Variants in OR3A2 observed in about 807,000 individuals in gnomAD.
OR3A2 encodes olfactory receptor 3A2.
For synonymous variants in OR3A2, 126 were observed against 159.3 expected, an observed-to-expected ratio of 0.79 and a Z score of 1.57; for missense variants, 318 against 392.8, an observed-to-expected ratio of 0.81 and a Z score of 1.61.
At chr17:3,380,952 G>A (rs143406499) in intron 2 of OR3A2, among the ~76,000 whole-genome samples, 1 of 152,186 alleles carries the variant, frequency 6.6e-6, no homozygotes, top group Non-Finnish European at 1.5e-5. Context: ...GTGTCTGGGA[G>A]CATCTATTGA....
At chr17:3,362,231 T>C (rs1456325241) in intron 2 of OR3A2, among the ~76,000 whole-genome samples, 1 of 151,800 alleles carries the variant, frequency 6.6e-6, no homozygotes, top group Non-Finnish European at 1.5e-5. Flanking sequence ...TCTCTGACAG[T>C]AGTTTGTATT....
intron 1 of OR3A2, among the ~76,000 whole-genome samples, chr17:3,282,593 A>G (rs1342358447): frequency 3.3e-5 from 5 of 152,186 alleles, no homozygotes; most frequent in Non-Finnish European, 5.9e-5. Context: ...GGGATGCCAC[A>G]TGGGTGAGAA....
intron 2 of OR3A2, among the ~76,000 whole-genome samples, chr17:3,352,164 G>A (rs951383247): frequency 6.6e-6 from 1 of 151,956 alleles, no homozygotes; most frequent in Non-Finnish European, 1.5e-5. Flanking sequence ...TCCTTTGCCA[G>A]ATGGGTAGTT....
At chr17:3,371,746 A>T in intron 2 of OR3A2, among the ~76,000 whole-genome samples, 1 of 80,604 alleles carries the variant, frequency 1.2e-5, no homozygotes, top group African/African-American at 5.0e-5. Flanking sequence ...GGGCAGAGGG[A>T]CTCCTCACTT....
chr17:3,348,759 A>C (rs1173444090), intron 2 of OR3A2, among the ~76,000 whole-genome samples: 2 of 152,154 alleles, frequency 1.3e-5, no homozygotes, highest in Non-Finnish European at 2.9e-5. Flanking sequence ...TGAAGGAAAA[A>C]AATGTTAAGG....
chr17:3,361,214 TTGTC>T (rs1379304168), intron 2 of OR3A2, among the ~76,000 whole-genome samples: 1 of 139,660 alleles, frequency 7.2e-6, no homozygotes, highest in Non-Finnish European at 1.5e-5. Context: ...ATTTGGCTGT[TTGTC>T]TGTTGTTGGT....
chr17:3,283,768 C>T (rs804236), intron 1 of OR3A2, among the ~76,000 whole-genome samples: 76,527 of 150,590 alleles, frequency 0.51, 21,240 homozygotes, highest in East Asian at 0.93. Flanking sequence ...CAAAACAATA[C>T]GGCCCTTAGG....
chr17:3,330,302 G>A (rs1597343919), intron 3 of OR3A2, among the ~76,000 whole-genome samples: 2 of 149,954 alleles, frequency 1.3e-5, no homozygotes, highest in African/African-American at 5.0e-5. Flanking sequence ...GTCTAATGTT[G>A]ACAATGGGGT....
intron 2 of OR3A2, among the ~76,000 whole-genome samples, chr17:3,349,862 C>T (rs1158949731): frequency 6.6e-6 from 1 of 152,108 alleles, no homozygotes; most frequent in African/African-American, 2.4e-5. Flanking sequence ...CAAACTAGAA[C>T]TCATGATTAA....
chr17:3,381,180 T>G (rs1473249441), intron 2 of OR3A2, among the ~76,000 whole-genome samples: 1 of 152,058 alleles, frequency 6.6e-6, no homozygotes, highest in Non-Finnish European at 1.5e-5. Context: ...TGCCTGGACA[T>G]ATCGGGATAC....
At chr17:3,326,452 C>T (rs2049173501) in intron 3 of OR3A2, among the ~76,000 whole-genome samples, 1 of 151,954 alleles carries the variant, frequency 6.6e-6, no homozygotes, top group Non-Finnish European at 1.5e-5. Flanking sequence ...GCTGGAGCTG[C>T]AGCAGAGGAA....
chr17:3,338,489 T>A (rs2049290175), intron 2 of OR3A2, among the ~76,000 whole-genome samples: 1 of 152,368 alleles, frequency 6.6e-6, no homozygotes, highest in East Asian at 1.9e-4. Context: ...TTTCTACATA[T>A]GGCTAGCCAG....
At chr17:3,331,319 T>C (rs2049231295) in intron 3 of OR3A2, among the ~76,000 whole-genome samples, 1 of 152,144 alleles carries the variant, frequency 6.6e-6, no homozygotes. Flanking sequence ...TTTTCCAACT[T>C]GGTTCCATTC....
At chr17:3,350,221 T>A (rs2049407944) in intron 2 of OR3A2, among the ~76,000 whole-genome samples, 1 of 151,692 alleles carries the variant, frequency 6.6e-6, no homozygotes, top group South Asian at 2.1e-4. Context: ...AAAAAACCCT[T>A]CAAAAAATTA....
chr17:3,337,625 T>C (rs1376443823), intron 2 of OR3A2, among the ~76,000 whole-genome samples: 2 of 152,202 alleles, frequency 1.3e-5, no homozygotes, highest in Admixed American at 6.5e-5. Flanking sequence ...TATGGCTGCA[T>C]AGTATTCCAT....
chr17:3,339,885 G>A (rs2049302817), intron 2 of OR3A2, among the ~76,000 whole-genome samples: 1 of 152,152 alleles, frequency 6.6e-6, no homozygotes, highest in Non-Finnish European at 1.5e-5. Context: ...GAATTCAGCT[G>A]TGAATCTGTC....
chr17:3,324,874 G>C (rs777135033), intron 3 of OR3A2, among the ~76,000 whole-genome samples: 1 of 152,010 alleles, frequency 6.6e-6, no homozygotes, highest in African/African-American at 2.4e-5. Flanking sequence ...TTATGTGAAT[G>C]CATGTATTAA....
intron 2 of OR3A2, among the ~76,000 whole-genome samples, chr17:3,363,937 T>G (rs2049541108): frequency 6.6e-6 from 1 of 152,082 alleles, no homozygotes; most frequent in Admixed American, 6.5e-5. Context: ...GAGAACTCAC[T>G]CAATATCATG....
intron 2 of OR3A2, among the ~76,000 whole-genome samples, chr17:3,337,588 T>C (rs2049283048): frequency 6.6e-6 from 1 of 152,172 alleles, no homozygotes; most frequent in Non-Finnish European, 1.5e-5. Context: ...TCCATGTCCT[T>C]ACAAAGGACA....
Sources: gnomAD v4.1 joint callset for allele counts (sites outside exome capture counted in the v4.1 genomes callset) on GRCh38, gnomAD v4.1.1 for gene constraint, MANE v1.5 for transcripts, NCBI Gene and HGNC (gene_info 2026-07-23, HGNC 2026-07-21) for gene names.